AMPH: variants seen among roughly 807,000 people sequenced by gnomAD.
The protein encoded by AMPH is amphiphysin (Stiff-Mann syndrome with breast cancer 128kD autoantigen).
AMPH carries 49 observed loss-of-function variants against 99.1 expected under a neutral mutation model. The ratio of observed to expected loss-of-function variants is 0.49; its 90% confidence interval spans 0.39 to 0.63. AMPH has a LOEUF of 0.63. Ranked by LOEUF, AMPH falls within the 20% of genes least tolerant of loss-of-function variation. The pLI is 0.00. For missense variants in AMPH, 759 were observed against 863.4 expected, an observed-to-expected ratio of 0.88 and a Z score of 1.52; for synonymous variants, 314 against 317.3, an observed-to-expected ratio of 0.99 and a Z score of 0.11.
At chr7:38,422,972 A>C (rs1785645398) in intron 15 of AMPH, among the ~76,000 whole-genome samples, 1 of 152,196 alleles carries the variant, frequency 6.6e-6, no homozygotes. Context: ...TTAAATCATT[A>C]AGTCAAAACA....
intron 6 of AMPH, among the ~76,000 whole-genome samples, chr7:38,476,502 C>T (rs1562780114): frequency 6.6e-6 from 1 of 152,148 alleles, no homozygotes; most frequent in Non-Finnish European, 1.5e-5. Context: ...TACTCTCAGA[C>T]AATCAAAAGT....
chr7:38,627,043 C>G (rs1217470905), intron 1 of AMPH, among the ~76,000 whole-genome samples: 1 of 152,140 alleles, frequency 6.6e-6, no homozygotes, highest in African/African-American at 2.4e-5. Flanking sequence ...CCATTCTGTA[C>G]TCTAAGTTCC....
chr7:38,385,466 A>T (rs1211429805), intron 20 of AMPH, among the ~76,000 whole-genome samples: 1 of 152,246 alleles, frequency 6.6e-6, no homozygotes, highest in East Asian at 1.9e-4. Flanking sequence ...CATATCCTAT[A>T]ACCCCAATAA....
At chr7:38,591,567 A>G (rs769136235) in intron 1 of AMPH, among the ~76,000 whole-genome samples, 5 of 152,122 alleles carry the variant, frequency 3.3e-5, no homozygotes, top group Non-Finnish European at 5.9e-5. Context: ...GATTACAGGC[A>G]TAAGCCACCA....
chr7:38,504,431 T>C (rs1266667001), intron 2 of AMPH, among the ~76,000 whole-genome samples: 1 of 152,088 alleles, frequency 6.6e-6, no homozygotes, highest in Non-Finnish European at 1.5e-5. Flanking sequence ...AGACTGCAAA[T>C]AGTTTAATTT....
chr7:38,523,662 G>C lies in AMPH; in HGVS notation c.150+11269C>G, dbSNP rs533256740. 2.1e-4 allele frequency among the ~76,000 whole-genome samples: 32 copies of C among 152,250 alleles called. No individual in the cohort carries two copies. In the South Asian group the frequency reaches 6.4e-3, roughly 31 times the overall value. ...AGAAAGAAAAATTTTTACCAGGAGT[G>C]AGGGCAGAGATAACAACATTTTGCG... On this transcript the variant is annotated intron_variant, in intron 2 of 20. Coordinates refer to ENST00000356264, the MANE Select transcript of AMPH (RefSeq NM_001635.4).
chr7:38,409,282 G>A (rs574343547), intron 17 of AMPH, among the ~76,000 whole-genome samples: 1 of 152,264 alleles, frequency 6.6e-6, no homozygotes, highest in African/African-American at 2.4e-5. Context: ...CTTGTCTGAA[G>A]TTCCTTGGCA....
At chr7:38,418,486 A>C (rs887193953) in intron 16 of AMPH, among the ~76,000 whole-genome samples, 2 of 152,236 alleles carry the variant, frequency 1.3e-5, no homozygotes, top group East Asian at 1.9e-4. Flanking sequence ...AAAATCAAAG[A>C]GTCATTCTAA....
chr7:38,403,525 A>G (rs1025612152), intron 17 of AMPH, among the ~76,000 whole-genome samples: 3 of 152,034 alleles, frequency 2.0e-5, no homozygotes, highest in Non-Finnish European at 4.4e-5. Context: ...CTGCCTGAAG[A>G]ACCTGCCTGT....
intron 1 of AMPH, among the ~76,000 whole-genome samples, chr7:38,574,950 A>C (rs1288048143): frequency 6.7e-6 from 1 of 150,156 alleles, no homozygotes; most frequent in Non-Finnish European, 1.5e-5. Flanking sequence ...GCTACTCAGG[A>C]GGCTGAGGCA....
chr7:38,503,838 C>T (rs1307877027), intron 2 of AMPH, 134 bp from the exon 3 acceptor site: 2 of 834,332 alleles, frequency 2.4e-6, no homozygotes, highest in Non-Finnish European at 1.9e-6. Context: ...TGGACACAGA[C>T]TAAACAAGGC....
At chr7:38,545,103 C>G (rs73692758) in intron 1 of AMPH, among the ~76,000 whole-genome samples, 28,128 of 152,174 alleles carry the variant, frequency 0.18, 2,954 homozygotes, top group East Asian at 0.46. Context: ...TTTCAAGAAC[C>G]ATACATGTGC....
chr7:38,524,964 A>T (rs928349771), intron 2 of AMPH, among the ~76,000 whole-genome samples: 1 of 151,854 alleles, frequency 6.6e-6, no homozygotes, highest in Non-Finnish European at 1.5e-5. Context: ...ATGTTCCCTG[A>T]CACATCTTGG....
At chr7:38,417,705 G>T in intron 17 of AMPH, 120 bp downstream of exon 17, 2 of 1,320,676 alleles carry the variant, frequency 1.5e-6, no homozygotes, top group Non-Finnish European at 2.1e-6. Flanking sequence ...TGGGAGCTAC[G>T]ACAGATATGG....
At chr7:38,623,785 T>C (rs1794148991) in intron 1 of AMPH, among the ~76,000 whole-genome samples, 2 of 152,134 alleles carry the variant, frequency 1.3e-5, no homozygotes. Flanking sequence ...GAACAAAAAA[T>C]GCAGGCATCG....
intron 17 of AMPH, among the ~76,000 whole-genome samples, chr7:38,407,294 G>T (rs7801706): frequency 0.34 from 41,724 of 121,722 alleles, 6,145 homozygotes; most frequent in Middle Eastern, 0.43. Flanking sequence ...TATCTATATA[G>T]AGAGAGAGAG....
At chr7:38,499,027 T>C (rs554625878) in intron 3 of AMPH, among the ~76,000 whole-genome samples, 2 of 152,340 alleles carry the variant, frequency 1.3e-5, no homozygotes, top group South Asian at 4.1e-4. Flanking sequence ...TGGCCACCTA[T>C]GACCCCACTT....
chr7:38,491,976 T>G (rs1285975612), intron 4 of AMPH, among the ~76,000 whole-genome samples: 1 of 152,226 alleles, frequency 6.6e-6, no homozygotes, highest in Non-Finnish European at 1.5e-5. Context: ...TTATATGAGT[T>G]GGCAATGTAA....
At chr7:38,443,387 C>T (rs1584099102) in intron 11 of AMPH, among the ~76,000 whole-genome samples, 2 of 151,818 alleles carry the variant, frequency 1.3e-5, no homozygotes, top group South Asian at 2.1e-4. Flanking sequence ...TCATAAAAAC[C>T]CTTTTCTTAA....
Sources: allele counts gnomAD v4.1 joint callset (sites outside exome capture counted in the v4.1 genomes callset), GRCh38; gene constraint gnomAD v4.1.1; transcripts MANE v1.5; gene names NCBI Gene and HGNC (gene_info 2026-07-23, HGNC 2026-07-21).